The following HMGXB3 variants were observed in gnomAD, a reference collection of about 807,000 sequenced individuals.
The protein encoded by HMGXB3 is HMG-box containing 3.
A neutral mutation model predicts 121.5 loss-of-function variants in HMGXB3; 45 were observed. That is an observed-to-expected ratio of 0.37 (90% CI 0.29 to 0.47). HMGXB3 has a LOEUF of 0.47. Ranked by LOEUF, HMGXB3 falls within the 20% of genes least tolerant of loss-of-function variation. The pLI, the probability that HMGXB3 is intolerant of heterozygous loss-of-function variation, is 0.99. For synonymous variants in HMGXB3, 590 were observed against 624.1 expected (o/e 0.95, Z 0.81); for missense variants, 1,376 against 1,602.2 (o/e 0.86, Z 2.41).
intron 6 of HMGXB3, among the ~76,000 whole-genome samples, chr5:150,020,556 C>G (rs780770257): frequency 6.6e-6 from 1 of 152,020 alleles, no homozygotes; most frequent in African/African-American, 2.4e-5. Flanking sequence ...CTTTCTTTTT[C>G]ATTTCTTGTA....
intron 4 of HMGXB3, 42 bp from the exon 5 acceptor site, chr5:150,012,213 A>G (rs758911258): frequency 6.4e-6 from 9 of 1,405,946 alleles, no homozygotes; most frequent in Non-Finnish European, 6.9e-6. Flanking sequence ...GTTCTTTATT[A>G]CTCTGTTTCA....
In HMGXB3 at chr5:150,006,759, G is replaced by A. The variant is rs561677171; in HGVS notation, c.312+112G>A. ...TTCTTTTTTTGGGAAAAGTTTCATC[G>A]TTTTATCCTTCTTGACTCTGGGCTT... On this transcript the variant is annotated intron_variant, in intron 3 of 19. Transcript: ENST00000502717. The A allele has an allele frequency of 1.1e-4, 99 of 907,414 alleles. No homozygotes were observed. In the East Asian group the frequency reaches 2.4e-3, roughly 22 times the overall value. The allele number at this position is 907,414 out of a possible 1,614,324, so 56.2% of individuals were successfully genotyped here.
intron 6 of HMGXB3, among the ~76,000 whole-genome samples, chr5:150,023,191 G>C (rs1187615857): frequency 6.6e-6 from 1 of 152,002 alleles, no homozygotes; most frequent in Non-Finnish European, 1.5e-5. Flanking sequence ...AGGGGTTTTT[G>C]GGTAGTAAGC....
intron 7 of HMGXB3, among the ~76,000 whole-genome samples, chr5:150,026,300 G>T (rs1443810822): frequency 1.3e-5 from 2 of 152,152 alleles, no homozygotes; most frequent in Non-Finnish European, 2.9e-5. Context: ...CTCAACATTG[G>T]TGCTGCAAAG....
intron 1 of HMGXB3, 32 bp from the exon 2 acceptor site, chr5:150,004,819 G>A (rs570543338): frequency 4.7e-6 from 7 of 1,479,706 alleles, no homozygotes; most frequent in African/African-American, 1.4e-5. Flanking sequence ...GGGAGATTCT[G>A]GAAACTTTAT....
rs1756234598 is a variant in HMGXB3, at chr5:150,026,558, T to G, written c.1461-148T>G. 9.2e-6 allele frequency: 6 copies of G among 654,576 alleles called. No homozygotes were observed. The South Asian group carries it at 1.0e-4, about 11-fold the overall frequency. 40.5% of individuals were successfully genotyped at this position (654,576 alleles called of 1,614,324 possible). A position where few individuals can be genotyped will look rare whatever the true frequency, so the allele number is the denominator to read the frequency against. ...TTACTTGTCCAGGGCCACACAGCTA[T>G]TTAGTGGTTGAATTTGAACTCAATC... On this transcript the variant is annotated intron_variant, in intron 7 of 19. Coordinates refer to ENST00000502717, the MANE Select transcript of HMGXB3 (RefSeq NM_014983.3).
Position 150,036,893 on chromosome 5 carries a change from G to A in HMGXB3, c.2241G>A (p.Thr747=), listed in dbSNP as rs755346485. Residue 747 remains threonine, a synonymous_variant, in exon 12 of 20, where the codon ACG becomes ACA. Transcript: ENST00000502717. ...SWSNYYESPS[T]QCLLCSSPLF... ...CGAATTATTATGAGTCTCCGTCCAC[G>A]CAGTGCCTTCTCTGTAGCAGCCCAT... 18 of 1,551,590 alleles carry A rather than the reference G, an allele frequency of 1.2e-5. No homozygotes were observed. The highest frequency in any genetic ancestry group is 3.3e-4 in the Middle Eastern group (2 of 5,984).
chr5:150,018,455 G>C, intron 5 of HMGXB3, 111 bp from the exon 6 acceptor site: 2 of 822,722 alleles, frequency 2.4e-6, no homozygotes, highest in Non-Finnish European at 3.4e-6. Context: ...ATATGATTAT[G>C]AATTGGTTAT....
chr5:150,018,602 A>G lies in HMGXB3; in HGVS notation c.946A>G (p.Thr316Ala). 1 of 1,550,810 alleles carries G rather than the reference A, an allele frequency of 6.4e-7. No individual in the cohort carries two copies. The highest frequency in any genetic ancestry group is 8.7e-7 in the Non-Finnish European group (1 of 1,146,598). The change falls in exon 6 of 20, where the codon ACC (threonine) becomes GCC (alanine). Residue 316 changes from threonine (T) to alanine (A), a missense_variant. Physicochemically the swap from Thr to Ala is moderately conservative, Grantham distance 58. Coordinates refer to ENST00000502717, the MANE Select transcript of HMGXB3 (RefSeq NM_014983.3). The part of the protein sequence containing the change: ...TYTRRGHGTC[T>A]SPGCSFTYVT... ...TACCCGCCGGGGCCATGGGACATGC[A>G]CCAGCCCAGGGTGCTCCTTTACATA...
At chr5:150,051,571 A>G (rs1020053730) in intron 19 of HMGXB3, among the ~76,000 whole-genome samples, 154 bp from the exon 20 acceptor site, 20 of 152,300 alleles carry the variant, frequency 1.3e-4, no homozygotes, top group African/African-American at 4.6e-4. Context: ...GAGGAAATGG[A>G]GGCACTGGCG....
chr5:150,004,487 A>G (rs1410662907), intron 1 of HMGXB3, among the ~76,000 whole-genome samples: 1 of 152,128 alleles, frequency 6.6e-6, no homozygotes, highest in Non-Finnish European at 1.5e-5. Flanking sequence ...TAGAATTGTT[A>G]TAATTTGGGG....
At chr5:150,006,368 TG>T in intron 2 of HMGXB3, 104 bp from the exon 3 acceptor site, 1 of 886,154 alleles carries the variant, frequency 1.1e-6, no homozygotes, top group East Asian at 2.7e-5. Context: ...TAGTACTTAC[TG>T]GTTGAATGAA....
chr5:150,023,481 A>T (rs148953832), intron 6 of HMGXB3, among the ~76,000 whole-genome samples: 2 of 152,368 alleles, frequency 1.3e-5, no homozygotes, highest in African/African-American at 2.4e-5. Context: ...TATGATATAC[A>T]TGGTGGGTAG....
At chr5:150,040,265 A>AT (rs1322648428) in intron 13 of HMGXB3, among the ~76,000 whole-genome samples, 1 of 152,220 alleles carries the variant, frequency 6.6e-6, no homozygotes, top group Non-Finnish European at 1.5e-5. Flanking sequence ...TTAAAAAAAA[A>AT]TGGATTCCAT....
At chr5:150,038,929 C>A (rs1424173550) in intron 13 of HMGXB3, among the ~76,000 whole-genome samples, 1 of 152,114 alleles carries the variant, frequency 6.6e-6, no homozygotes, top group Non-Finnish European at 1.5e-5. Context: ...TTTGTGTGAA[C>A]CTAAGTTTTC....
At chr5:150,010,087 C>G (rs1419468055) in intron 3 of HMGXB3, 24 bp from the exon 4 acceptor site, 26 of 1,541,236 alleles carry the variant, frequency 1.7e-5, no homozygotes, top group Non-Finnish European at 2.2e-5. Context: ...CTTGTCTCCC[C>G]CTTCCTGGCT....
chr5:150,048,224 T>C (rs983261386), intron 17 of HMGXB3, among the ~76,000 whole-genome samples: 4 of 152,222 alleles, frequency 2.6e-5, no homozygotes, highest in Non-Finnish European at 5.9e-5. Context: ...TTCCCTTTCA[T>C]ATTTCTGTGC....
chr5:150,026,924 GGAAA>G (rs1169301458), intron 8 of HMGXB3, 43 bp downstream of exon 8: 162 of 1,514,666 alleles, frequency 1.1e-4, no homozygotes, highest in Non-Finnish European at 5.9e-5. Flanking sequence ...CTGTCTGACA[GGAAA>G]GGGACAGGAG....
chr5:150,022,817 C>CTT (rs11388244), intron 6 of HMGXB3, among the ~76,000 whole-genome samples: 6,689 of 119,878 alleles, frequency 0.056, 317 homozygotes, highest in African/African-American at 0.097. Flanking sequence ...GTTACTGGCT[C>CTT]TTTTTTTTTT....
Sources: gnomAD v4.1 joint callset for allele counts (sites outside exome capture counted in the v4.1 genomes callset) on GRCh38, gnomAD v4.1.1 for gene constraint, MANE v1.5 for transcripts, NCBI Gene and HGNC (gene_info 2026-07-23, HGNC 2026-07-21) for gene names.